Variants in CAST observed in about 807,000 individuals in gnomAD.
The protein encoded by CAST is calpastatin.
In CAST, 76 loss-of-function variants were observed where a neutral mutation model predicts 119.6. That is an observed-to-expected ratio of 0.64 (90% CI 0.53 to 0.77). The LOEUF (loss-of-function observed/expected upper bound fraction) is 0.77. Among genes scored for constraint, CAST ranks in the 30% least tolerant of loss-of-function variants. The pLI is 0.00. For synonymous variants in CAST, 319 were observed against 331.6 expected (o/e 0.96, Z 0.41); for missense variants, 953 against 946.5 (o/e 1.01, Z -0.09).
the CAST span, among the ~76,000 whole-genome samples, chr5:96,401,448 G>A: frequency 9.5e-4 from 145 of 152,352 alleles, no homozygotes; most frequent in Middle Eastern, 6.8e-3. Flanking sequence ...GCCAGAAAGG[G>A]AGCTTATACT....
chr5:95,999,430 A>G, the CAST span, among the ~76,000 whole-genome samples: 3 of 152,144 alleles, frequency 2.0e-5, no homozygotes, highest in African/African-American at 7.2e-5. Flanking sequence ...GCTCACTGCA[A>G]CCTCAAACTC....
chr5:96,218,792 C>A, the CAST span, among the ~76,000 whole-genome samples: 1 of 152,222 alleles, frequency 6.6e-6, no homozygotes, highest in African/African-American at 2.4e-5. Context: ...TAAGGTCTGG[C>A]AAGTGTGACA....
At chr5:96,552,387 C>T (rs947831327) in intron 1 of CAST, among the ~76,000 whole-genome samples, 12 of 152,260 alleles carry the variant, frequency 7.9e-5, no homozygotes, top group South Asian at 2.1e-4. Context: ...AAAGATACAA[C>T]GTACCAGAAT....
intron 1 of CAST, among the ~76,000 whole-genome samples, chr5:96,592,333 G>A (rs960726496): frequency 4.0e-5 from 6 of 150,686 alleles, no homozygotes; most frequent in African/African-American, 9.8e-5. Context: ...CCCGGGAGGT[G>A]GAGGTTGCAG....
At chr5:96,037,414 ATCTTT>A in the CAST span, among the ~76,000 whole-genome samples, 5 of 152,292 alleles carry the variant, frequency 3.3e-5, no homozygotes, top group East Asian at 9.6e-4. Flanking sequence ...TGACATTAAT[ATCTTT>A]AGAAAGCCTA....
chr5:96,003,334 C>A, the CAST span, among the ~76,000 whole-genome samples: 1 of 151,918 alleles, frequency 6.6e-6, no homozygotes, highest in African/African-American at 2.4e-5. Context: ...GTCAGGAGAT[C>A]GAGACCATCC....
the CAST span, among the ~76,000 whole-genome samples, chr5:96,284,815 T>C: frequency 6.6e-6 from 1 of 152,210 alleles, no homozygotes; most frequent in African/African-American, 2.4e-5. Flanking sequence ...TTGACAGCTA[T>C]AGTTTTAGAG....
the CAST span, among the ~76,000 whole-genome samples, chr5:96,009,827 G>C: frequency 6.6e-6 from 1 of 151,998 alleles, no homozygotes; most frequent in South Asian, 2.1e-4. Flanking sequence ...TTTTGTTTTT[G>C]TTGCAATTGC....
the CAST span, among the ~76,000 whole-genome samples, chr5:96,433,667 A>G: frequency 3.3e-5 from 5 of 152,176 alleles, no homozygotes; most frequent in Admixed American, 1.3e-4. Flanking sequence ...GCTATGAAGA[A>G]CAAGGCTCTT....
At chr5:96,453,992 T>C in the CAST span, among the ~76,000 whole-genome samples, 1 of 152,242 alleles carries the variant, frequency 6.6e-6, no homozygotes, top group Non-Finnish European at 1.5e-5. Context: ...CTGCGCAGAA[T>C]TTTTGACCTT....
At chr5:96,229,001 C>T in the CAST span, among the ~76,000 whole-genome samples, 1 of 151,054 alleles carries the variant, frequency 6.6e-6, no homozygotes, top group Non-Finnish European at 1.5e-5. Flanking sequence ...TGGTTTTCCT[C>T]TACCTTTAGA....
the CAST span, among the ~76,000 whole-genome samples, chr5:96,368,722 A>G: frequency 3.3e-5 from 5 of 152,042 alleles, 1 homozygote; most frequent in Admixed American, 3.3e-4. Context: ...CTTGGATCCT[A>G]TGTTTTCTTG....
the CAST span, among the ~76,000 whole-genome samples, chr5:96,021,521 C>G: frequency 1.3e-5 from 2 of 152,078 alleles, no homozygotes; most frequent in Non-Finnish European, 2.9e-5. Context: ...TCTCTGCTCA[C>G]TGCAAGCTCC....
chr5:96,675,103 T>C (rs1243958153), intron 1 of CAST, among the ~76,000 whole-genome samples: 3 of 152,210 alleles, frequency 2.0e-5, no homozygotes, highest in Non-Finnish European at 4.4e-5. Context: ...TCTTTCTGCA[T>C]TGGTGGATAC....
At chr5:95,993,824 CA>C in the CAST span, among the ~76,000 whole-genome samples, 1 of 151,678 alleles carries the variant, frequency 6.6e-6, no homozygotes, top group Non-Finnish European at 1.5e-5. Flanking sequence ...ACAGACGCTT[CA>C]AAAAAGAACA....
the CAST span, among the ~76,000 whole-genome samples, chr5:96,311,364 A>G: frequency 3.3e-5 from 5 of 152,066 alleles, no homozygotes; most frequent in African/African-American, 1.2e-4. Context: ...AGAGTGTTCT[A>G]TGTGCACTTG....
At chr5:96,223,543 A>C in the CAST span, among the ~76,000 whole-genome samples, 1 of 152,210 alleles carries the variant, frequency 6.6e-6, no homozygotes, top group Non-Finnish European at 1.5e-5. Flanking sequence ...GAGTTCAGAA[A>C]GGATTTTTCC....
At chr5:96,447,496 A>C in the CAST span, among the ~76,000 whole-genome samples, 1 of 152,196 alleles carries the variant, frequency 6.6e-6, no homozygotes, top group East Asian at 1.9e-4. Flanking sequence ...ACACTCACAC[A>C]CATCCACACA....
At chr5:96,049,423 T>C in the CAST span, among the ~76,000 whole-genome samples, 1 of 152,170 alleles carries the variant, frequency 6.6e-6, no homozygotes, top group African/African-American at 2.4e-5. Context: ...TTAATTTTAA[T>C]GATGAAAGGA....
Sources: gnomAD v4.1 joint callset for allele counts (sites outside exome capture counted in the v4.1 genomes callset) on GRCh38, gnomAD v4.1.1 for gene constraint, MANE v1.5 for transcripts, NCBI Gene and HGNC (gene_info 2026-07-23, HGNC 2026-07-21) for gene names.